ATP11C: variants seen among roughly 807,000 people sequenced by gnomAD.
The protein encoded by ATP11C is phospholipid-transporting ATPase IG.
ATP11C carries 36 observed loss-of-function variants against 97.4 expected under a neutral mutation model. The observed-to-expected ratio is 0.37, with a 90% CI of 0.28 to 0.49. The LOEUF (loss-of-function observed/expected upper bound fraction) is 0.49. Ranked by LOEUF, ATP11C falls within the 20% of genes least tolerant of loss-of-function variation. The pLI is 0.98. For synonymous variants in ATP11C, 275 were observed against 290.9 expected, an observed-to-expected ratio of 0.95 and a Z score of 0.56; for missense variants, 730 against 824.6, an observed-to-expected ratio of 0.89 and a Z score of 1.40.
intron 19 of ATP11C, among the ~76,000 whole-genome samples, chrX:139,769,941 T>C (rs1040193270): frequency 1.8e-5 from 2 of 112,090 alleles, no homozygotes; most frequent in African/African-American, 6.5e-5. Context: ...ATATACCTCA[T>C]CATTCCTTTA....
chrX:139,893,174 G>A (rs2084755611), intron 1 of ATP11C, among the ~76,000 whole-genome samples: 1 of 111,662 alleles, frequency 9.0e-6, no homozygotes, highest in Non-Finnish European at 1.9e-5. Flanking sequence ...GAGCAGCTGG[G>A]ACTACAGAAG....
chrX:139,931,576 CTCT>C (rs1182008247), intron 1 of ATP11C, among the ~76,000 whole-genome samples: 1 of 112,684 alleles, frequency 8.9e-6, no homozygotes, highest in East Asian at 2.8e-4. Context: ...CAGCCCCCAG[CTCT>C]TCTTTTGGGC....
At chrX:139,841,738 G>A (rs1181194867) in intron 1 of ATP11C, among the ~76,000 whole-genome samples, 1 of 112,147 alleles carries the variant, frequency 8.9e-6, no homozygotes, top group African/African-American at 3.2e-5. Context: ...AAATTTTCTG[G>A]TACCTTGGGA....
At chrX:139,847,010 A>G (rs2083918904) in intron 1 of ATP11C, among the ~76,000 whole-genome samples, 1 of 110,045 alleles carries the variant, frequency 9.1e-6, no homozygotes, top group Non-Finnish European at 1.9e-5. Context: ...ATCCTGATCT[A>G]CTTACTGCTC....
intron 18 of ATP11C, among the ~76,000 whole-genome samples, chrX:139,780,388 G>A (rs984319692): frequency 2.7e-5 from 3 of 110,781 alleles, no homozygotes; most frequent in African/African-American, 6.6e-5. Context: ...ATGCAAGGAC[G>A]GCTTAACATA....
chrX:139,814,154 C>T (rs897373605), intron 5 of ATP11C, among the ~76,000 whole-genome samples: 6 of 110,429 alleles, frequency 5.4e-5, no homozygotes, highest in African/African-American at 1.6e-4. Context: ...TAGTGTTTGA[C>T]ATGGACAAGT....
chrX:139,769,105 CT>C (rs1010753659), intron 19 of ATP11C, among the ~76,000 whole-genome samples: 70 of 101,524 alleles, frequency 6.9e-4, no homozygotes, highest in African/African-American at 1.8e-3. Flanking sequence ...CTAATATAAA[CT>C]TTTTTTTTTG....
In ATP11C at chrX:139,750,014, AT is replaced by A. The variant is rs772911480; in HGVS notation, c.2828+10del. 3 of 1,192,708 alleles carry A rather than the reference AT, an allele frequency of 2.5e-6. No homozygotes were observed. In the South Asian group the frequency reaches 5.5e-5, roughly 22 times the overall value. On this transcript the variant is annotated intron_variant, in intron 24 of 29. Transcript: ENST00000682941. Reference sequence around the variant, plus strand: ...AAGTCTTAGGGGGTTTTAACTATATATTTAACTTACATATACAATCGGGGAT... The same window carrying A: ...AAGTCTTAGGGGGTTTTAACTATATATTAACTTACATATACAATCGGGGAT...
chrX:139,747,420 G>A (rs1399180153), intron 24 of ATP11C, among the ~76,000 whole-genome samples: 1 of 111,227 alleles, frequency 9.0e-6, no homozygotes, highest in Non-Finnish European at 1.9e-5. Flanking sequence ...TCAGAATGGG[G>A]CAATCAACAT....
chrX:139,799,327 A>G (rs1193723479), intron 8 of ATP11C, among the ~76,000 whole-genome samples: 3 of 111,445 alleles, frequency 2.7e-5, no homozygotes, highest in Non-Finnish European at 5.7e-5. Flanking sequence ...CGTATACATA[A>G]AACAATTCGT....
chrX:139,826,630 C>A (rs1166225918), intron 2 of ATP11C, 74 bp downstream of exon 2: 3 of 949,274 alleles, frequency 3.2e-6, no homozygotes, highest in Non-Finnish European at 4.4e-6. Flanking sequence ...GCATCAGTTT[C>A]CTCAGAAGCA....
At chrX:139,824,036 G>A (rs187820473) in intron 2 of ATP11C, among the ~76,000 whole-genome samples, 1 of 106,916 alleles carries the variant, frequency 9.4e-6, no homozygotes, top group African/African-American at 3.4e-5. Context: ...CGGCACTTTC[G>A]GAGGCTGAGG....
chrX:139,771,866 T>A (rs1263900425), intron 19 of ATP11C, among the ~76,000 whole-genome samples: 1 of 112,049 alleles, frequency 8.9e-6, no homozygotes, highest in East Asian at 2.8e-4. Context: ...TTCAGAAAAT[T>A]TGCAGCCTGA....
chrX:139,732,191 G>A (rs1354023843), intron 28 of ATP11C, among the ~76,000 whole-genome samples: 1 of 110,853 alleles, frequency 9.0e-6, no homozygotes, highest in Admixed American at 9.6e-5. Flanking sequence ...AACACGCCAT[G>A]GCCACTGCAT....
At chrX:139,873,354 G>C (rs769937846) in intron 1 of ATP11C, among the ~76,000 whole-genome samples, 1 of 111,763 alleles carries the variant, frequency 8.9e-6, no homozygotes, top group Admixed American at 9.6e-5. Context: ...GAGATGGAGA[G>C]TTGTGATGGT....
chrX:139,907,145 A>G (rs1252115587), intron 1 of ATP11C, among the ~76,000 whole-genome samples: 1 of 110,961 alleles, frequency 9.0e-6, no homozygotes, highest in African/African-American at 3.3e-5. Context: ...TATTACAATT[A>G]TGTTGTTTAC....
At position 139,835,121 on chromosome X, in the gene ATP11C, C is replaced by T. The variant is rs988770146; in HGVS notation, c.28-8298G>A. On this transcript the variant is annotated intron_variant, in intron 1 of 29. Transcript: ENST00000682941. The stretch of plus-strand genomic sequence containing the variant: ...TTCACAATCAGCTATACTGGCAAAG[C>T]ACTCAAGGTTATGAGGTGAGATCAG... Among the ~76,000 whole-genome samples, 3 of 112,078 alleles carry T rather than the reference C, an allele frequency of 2.7e-5. No individual in the cohort carries two copies. The Admixed American group carries it at 2.8e-4, about 11-fold the overall frequency.
chrX:139,909,562 G>GCA (rs1349184871), intron 1 of ATP11C, among the ~76,000 whole-genome samples: 8 of 110,826 alleles, frequency 7.2e-5, no homozygotes, highest in Non-Finnish European at 1.3e-4. Flanking sequence ...CACACCCCAT[G>GCA]CACACACACA....
At chrX:139,755,985 T>C (rs1003216819) in intron 23 of ATP11C, among the ~76,000 whole-genome samples, 4 of 112,355 alleles carry the variant, frequency 3.6e-5, no homozygotes, top group Non-Finnish European at 7.5e-5. Context: ...TGTTACCTAA[T>C]TAAATAAAGA....
Sources: gnomAD v4.1 joint callset for allele counts (sites outside exome capture counted in the v4.1 genomes callset) on GRCh38, gnomAD v4.1.1 for gene constraint, MANE v1.5 for transcripts, NCBI Gene and HGNC (gene_info 2026-07-23, HGNC 2026-07-21) for gene names.